TMED1: variants seen among roughly 807,000 people sequenced by gnomAD.
The protein encoded by TMED1 is transmembrane p24 trafficking protein 1, also known as transmembrane emp24 domain-containing protein 1.
A neutral mutation model predicts 21.2 loss-of-function variants in TMED1; 20 were observed. That is an observed-to-expected ratio of 0.95 (90% CI 0.67 to 1.37). TMED1 has a LOEUF of 1.37. Among genes scored for constraint, TMED1 ranks in the 40% most tolerant of loss-of-function variants. The pLI, the probability that TMED1 is intolerant of heterozygous loss-of-function variation, is 0.00. For synonymous variants in TMED1, 149 were observed against 134.7 expected, an observed-to-expected ratio of 1.11 and a Z score of -0.74; for missense variants, 316 against 309.8, an observed-to-expected ratio of 1.02 and a Z score of -0.15.
Position 10,833,225 on chromosome 19 carries a change from C to T in TMED1, c.466-12G>A, listed in dbSNP as rs770846178. On this transcript the variant is annotated splice_polypyrimidine_tract_variant and intron_variant, in intron 3 of 3. Coordinates refer to ENST00000214869, the MANE Select transcript of TMED1 (RefSeq NM_006858.4). ...GTCTCAATGGACTCCTACAGGGCAG[C>T]GGGAGGGGAAGGGTCAGGCCTCCCT... 6.9e-6 allele frequency: 11 copies of T among 1,603,492 alleles called. No individual in the cohort carries two copies. The highest frequency in any genetic ancestry group is 5.5e-5 in the South Asian group (5 of 90,190).
chr19:10,835,822 T>G, intron 1 of TMED1, 187 bp downstream of exon 1: 1 of 981,446 alleles, frequency 1.0e-6, no homozygotes, highest in Non-Finnish European at 1.2e-6. Context: ...CCCGCCTGCT[T>G]CATTACTCCC....
At chr19:10,835,375 G>A (rs2073415539) in intron 1 of TMED1, 22 bp from the exon 2 acceptor site, 2 of 1,613,080 alleles carry the variant, frequency 1.2e-6, no homozygotes, top group South Asian at 1.1e-5. Context: ...GTAAGAGCGG[G>A]TGGAGGGCTA....
At position 10,832,691 on chromosome 19, in the gene TMED1, G is replaced by T. The variant is rs765313525; in HGVS notation, c.*304C>A. 5.1e-6 allele frequency: 3 copies of T among 590,924 alleles called. No individual in the cohort carries two copies. The African/African-American group carries it at 5.6e-5, about 11-fold the overall frequency. 36.6% of individuals were successfully genotyped at this position (590,924 alleles called of 1,614,324 possible). ...CAGGCAACGCTAACACAGGATGGGAGGCTTAGGCTAAGGCACATTTACAGT... is the reference window on the plus strand; with the variant it reads ...CAGGCAACGCTAACACAGGATGGGATGCTTAGGCTAAGGCACATTTACAGT... On this transcript the variant is annotated 3_prime_UTR_variant, in exon 4 of 4. Transcript: ENST00000214869.
At chr19:10,835,771 C>T (rs1046862288) in intron 1 of TMED1, 39 of 1,420,958 alleles carry the variant, frequency 2.7e-5, no homozygotes, top group Non-Finnish European at 3.3e-5. Context: ...GCTCCCTATA[C>T]TTATCGATGG....
At chr19:10,835,667 A>G in intron 1 of TMED1, 1 of 1,393,198 alleles carries the variant, frequency 7.2e-7, no homozygotes, top group Admixed American at 3.0e-5. Flanking sequence ...TCCTTAGTCT[A>G]ACCCCCGAGA....
intron 3 of TMED1, among the ~76,000 whole-genome samples, chr19:10,834,624 C>T (rs527584636): frequency 4.6e-5 from 7 of 152,004 alleles, no homozygotes; most frequent in East Asian, 3.9e-4. Context: ...GGATTACAGA[C>T]GCCCGCCACC....
At chr19:10,835,413 A>AG in intron 1 of TMED1, 60 bp from the exon 2 acceptor site, 1 of 1,601,102 alleles carries the variant, frequency 6.2e-7, no homozygotes, top group Non-Finnish European at 8.5e-7. Context: ...CCTGCCGAAG[A>AG]GGGCTACGGC....
Position 10,832,896 on chromosome 19 carries a change from G to T in TMED1, c.*99C>A. 1 of 1,409,880 alleles carries T rather than the reference G, an allele frequency of 7.1e-7. No homozygotes were observed. The highest frequency in any genetic ancestry group is 9.7e-7 in the Non-Finnish European group (1 of 1,033,626). 87.3% of individuals were successfully genotyped at this position (1,409,880 alleles called of 1,614,324 possible). On this transcript the variant is annotated 3_prime_UTR_variant, in exon 4 of 4. Transcript: ENST00000214869. Reference sequence around the variant, plus strand: ...CCGCAGGCCCTGACTGCACACTCCCGTTTTGGCAGGAAACTAAAATTGGGG... The same window carrying T: ...CCGCAGGCCCTGACTGCACACTCCCTTTTTGGCAGGAAACTAAAATTGGGG...
chr19:10,832,939 A>C lies in TMED1; in HGVS notation c.*56T>G. 6.3e-7 allele frequency: 1 copy of C among 1,589,558 alleles called. No homozygotes were observed. The highest frequency in any genetic ancestry group is 8.5e-7 in the Non-Finnish European group (1 of 1,170,086). On this transcript the variant is annotated 3_prime_UTR_variant, in exon 4 of 4. Transcript: ENST00000214869. ...AATTGGGGAGGGACCCCCAAGTCTC[A>C]TATGCACACACCCTGCTGCCCCTCC...
intron 1 of TMED1, chr19:10,835,602 C>A (rs938527128): frequency 2.8e-6 from 4 of 1,417,458 alleles, no homozygotes; most frequent in Middle Eastern, 2.6e-4. Flanking sequence ...TGGACGTTTA[C>A]CTGACCACGC....
Position 10,836,119 on chromosome 19 carries a change from C to T in TMED1, c.73G>A (p.Gly25Arg). The change falls in exon 1 of 4, where the codon GGG becomes AGG. Residue 25 changes from glycine to arginine, a missense_variant. Gly to Arg is a moderately radical substitution (Grantham distance 125). Coordinates refer to ENST00000214869, the MANE Select transcript of TMED1 (RefSeq NM_006858.4). ...LMPPVEVGGA[G>R]PPPIQDGEFT... ...TCACCGTCCTGGATTGGCGGGGGCC[C>T]CGCCCCTCCCACCTCCACTGGTGGC... 1 of 1,574,350 alleles carries T rather than the reference C, an allele frequency of 6.4e-7. No individual in the cohort carries two copies. Among genetic ancestry groups the T allele is most frequent in the Non-Finnish European group, 8.6e-7 (1 of 1,161,140 alleles).
In TMED1 at chr19:10,836,133, T is replaced by A. The variant is rs1375800361; in HGVS notation, c.59A>T (p.Glu20Val). 8 of 1,563,718 alleles carry A rather than the reference T, an allele frequency of 5.1e-6. No homozygotes were observed. Among genetic ancestry groups the A allele is most frequent in the Admixed American group, 3.8e-5 (2 of 52,394 alleles). ...LALWLLMPPV[E>V]VGGAGPPPIQ... Reference sequence around the variant, plus strand: ...TGGCGGGGGCCCCGCCCCTCCCACCTCCACTGGTGGCATTAGTAGCCACAA... The same window carrying A: ...TGGCGGGGGCCCCGCCCCTCCCACCACCACTGGTGGCATTAGTAGCCACAA... Residue 20 changes from glutamate (E) to valine (V), a missense_variant, in exon 1 of 4, where the codon GAG becomes GTG. Physicochemically the swap from Glu to Val is moderately radical, Grantham distance 121. Coordinates refer to ENST00000214869, the MANE Select transcript of TMED1 (RefSeq NM_006858.4).
Position 10,833,218 on chromosome 19 carries a change from A to G in TMED1, c.466-5T>C, listed in dbSNP as rs1003920864. The G allele has an allele frequency of 3.7e-6, 6 of 1,607,808 alleles. No homozygotes were observed. In the Middle Eastern group the frequency reaches 5.0e-4, roughly 133 times the overall value. On this transcript the variant is annotated splice_polypyrimidine_tract_variant and splice_region_variant and intron_variant, in intron 3 of 3. Coordinates refer to ENST00000214869, the MANE Select transcript of TMED1 (RefSeq NM_006858.4). ...CCGCATGGTCTCAATGGACTCCTAC[A>G]GGGCAGCGGGAGGGGAAGGGTCAGG...
chr19:10,835,597 G>C (rs919272727), intron 1 of TMED1: 2 of 1,418,242 alleles, frequency 1.4e-6, no homozygotes, highest in Non-Finnish European at 1.8e-6. Flanking sequence ...CTTAATGGAC[G>C]TTTACCTGAC....
At position 10,834,939 on chromosome 19, in the gene TMED1, T is replaced by C. The variant is rs374581594; in HGVS notation, c.460A>G (p.Ile154Val). The C allele has an allele frequency of 5.0e-6, 8 of 1,613,774 alleles. No homozygotes were observed. The highest frequency in any genetic ancestry group is 2.2e-5 in the East Asian group (1 of 44,888). Reference sequence around the variant, plus strand: ...CCAGCGCAGCCTGGACACACCTTGATGTCCTCCATTTTAACATCCAGCATC... The same window carrying C: ...CCAGCGCAGCCTGGACACACCTTGACGTCCTCCATTTTAACATCCAGCATC... The part of the protein sequence containing the change: ...EEMLDVKMED[I>V]KESIETMRTR... Residue 154 changes from isoleucine to valine, a missense_variant, in exon 3 of 4, where the codon ATC becomes GTC. Coordinates refer to ENST00000214869, the MANE Select transcript of TMED1 (RefSeq NM_006858.4).
chr19:10,832,180 C>T lies in TMED1; in HGVS notation c.*815G>A, dbSNP rs1197035563. Reference sequence around the variant, plus strand: ...TGGCTGCTGCCTGGTGAAGCGGGGACCCCAGCGCTCCACCCCCTTCCTACC... The same window carrying T: ...TGGCTGCTGCCTGGTGAAGCGGGGATCCCAGCGCTCCACCCCCTTCCTACC... On this transcript the variant is annotated 3_prime_UTR_variant, in exon 4 of 4. Transcript: ENST00000214869. 2.3e-5 allele frequency: 19 copies of T among 842,580 alleles called. No homozygotes were observed. The highest frequency in any genetic ancestry group is 2.4e-5 in the Non-Finnish European group (14 of 587,130). The allele number at this position is 842,580 out of a possible 1,614,324, so 52.2% of individuals were successfully genotyped here.
At position 10,833,420 on chromosome 19, in the gene TMED1, T is replaced by C. The variant is rs141944110; in HGVS notation, c.466-207A>G. ...AACTTAATTAACCTATCTGAGCCTG[T>C]TTCCTCTTCTATAAGCTTCCAAATT... On this transcript the variant is annotated intron_variant, in intron 3 of 3. Transcript: ENST00000214869. 9.5e-4 allele frequency: 561 copies of C among 593,206 alleles called. 6 individuals carry two copies. The highest frequency in any genetic ancestry group is 8.5e-3 in the African/African-American group (460 of 53,908). 36.7% of individuals were successfully genotyped at this position (593,206 alleles called of 1,614,324 possible).
At chr19:10,835,862 C>T in intron 1 of TMED1, 147 bp downstream of exon 1, 1 of 1,414,400 alleles carries the variant, frequency 7.1e-7, no homozygotes, top group South Asian at 1.5e-5. Context: ...ACCGTCCCCG[C>T]CCCATCTGTC....
At chr19:10,835,952 G>C (rs1258073316) in intron 1 of TMED1, 57 bp downstream of exon 1, 10 of 1,499,634 alleles carry the variant, frequency 6.7e-6, no homozygotes, top group Non-Finnish European at 8.9e-6. Context: ...CGCCTCGACC[G>C]CTTGGCCACG....
Sources: allele counts gnomAD v4.1 joint callset (sites outside exome capture counted in the v4.1 genomes callset), GRCh38; gene constraint gnomAD v4.1.1; transcripts MANE v1.5; gene names NCBI Gene and HGNC (gene_info 2026-07-23, HGNC 2026-07-21).